Variants in ENDOD1 observed in about 807,000 individuals in gnomAD.
The protein encoded by ENDOD1 is endonuclease domain containing 1.
A neutral mutation model predicts 6.5 loss-of-function variants in ENDOD1; 9 were observed. That is an observed-to-expected ratio of 1.39 (90% CI 0.84 to 2.43). ENDOD1 has a LOEUF of 2.43. Among genes scored for constraint, ENDOD1 ranks in the 30% most tolerant of loss-of-function variants. The pLI, the probability that ENDOD1 is intolerant of heterozygous loss-of-function variation, is 0.00. For synonymous variants in ENDOD1, 255 were observed against 255.2 expected (o/e 1.00, Z 0.01); for missense variants, 648 against 635.5 (o/e 1.02, Z -0.21).
intron 1 of ENDOD1, among the ~76,000 whole-genome samples, chr11:95,118,365 C>T (rs184969853): frequency 6.6e-6 from 1 of 152,292 alleles, no homozygotes; most frequent in Admixed American, 6.5e-5. Context: ...TAAAATCTCT[C>T]AGCTTTTGTT....
chr11:95,094,469 A>G (rs1311584706), intron 1 of ENDOD1, among the ~76,000 whole-genome samples: 1 of 152,174 alleles, frequency 6.6e-6, no homozygotes, highest in Non-Finnish European at 1.5e-5. Context: ...GACAAGTGGG[A>G]GCACTTACTT....
In ENDOD1 at chr11:95,128,477, AC is replaced by A. The variant is rs1390316803; in HGVS notation, c.403del (p.Asp136IlefsTer31). Reference sequence around the variant, plus strand: ...AGCAAGCAAGCCTTGAATACAGATTACCTTGATTCTGATTACCAAAGAGGAC... The same window carrying A: ...AGCAAGCAAGCCTTGAATACAGATTACTTGATTCTGATTACCAAAGAGGAC... ...LGSKQALNTD[Y>X]LDSDYQRGQL... is the part of the protein sequence containing the mutation. On this transcript the variant is annotated frameshift_variant, in exon 2 of 2. Coordinates refer to ENST00000278505, the MANE Select transcript of ENDOD1 (RefSeq NM_015036.3). LOFTEE classifies it low-confidence loss of function (END_TRUNC). The A allele has an allele frequency of 6.2e-7, 1 of 1,614,172 alleles. No individual in the cohort carries two copies. The highest frequency in any genetic ancestry group is 1.7e-5 in the Admixed American group (1 of 60,030).
chr11:95,090,326 G>A, intron 1 of ENDOD1, 99 bp downstream of exon 1: 1 of 1,332,962 alleles, frequency 7.5e-7, no homozygotes, highest in Non-Finnish European at 9.6e-7. Flanking sequence ...GCCGGGAACA[G>A]CAATCCCTAC....
At chr11:95,095,549 C>T (rs532361899) in intron 1 of ENDOD1, among the ~76,000 whole-genome samples, 9 of 150,660 alleles carry the variant, frequency 6.0e-5, no homozygotes, top group Non-Finnish European at 1.0e-4. Flanking sequence ...CAGAATATTT[C>T]AGGGACATCT....
chr11:95,105,651 A>G (rs1859082425), intron 1 of ENDOD1, among the ~76,000 whole-genome samples: 1 of 152,114 alleles, frequency 6.6e-6, no homozygotes, highest in South Asian at 2.1e-4. Flanking sequence ...GCTCCTACTT[A>G]TAAGTGAGAA....
At chr11:95,126,534 G>A (rs930759756) in intron 1 of ENDOD1, among the ~76,000 whole-genome samples, 2 of 152,190 alleles carry the variant, frequency 1.3e-5, no homozygotes, top group African/African-American at 2.4e-5. Flanking sequence ...ATGTTGACAT[G>A]TCATATGCTT....
chr11:95,114,181 A>G (rs1300066099), intron 1 of ENDOD1, among the ~76,000 whole-genome samples: 1 of 152,180 alleles, frequency 6.6e-6, no homozygotes, highest in East Asian at 1.9e-4. Flanking sequence ...CCCAGGCACA[A>G]TCTTGGCTCA....
At chr11:95,097,124 C>T (rs1466491151) in intron 1 of ENDOD1, among the ~76,000 whole-genome samples, 1 of 140,826 alleles carries the variant, frequency 7.1e-6, no homozygotes. Flanking sequence ...CACTGCACTC[C>T]AGTCTGGGGG....
chr11:95,092,041 C>T (rs943838897), intron 1 of ENDOD1, among the ~76,000 whole-genome samples: 1 of 151,978 alleles, frequency 6.6e-6, no homozygotes, highest in Non-Finnish European at 1.5e-5. Context: ...TGAACAAAGT[C>T]CTATTAGATT....
intron 1 of ENDOD1, among the ~76,000 whole-genome samples, chr11:95,112,723 C>T (rs183341518): frequency 6.6e-6 from 1 of 152,376 alleles, no homozygotes; most frequent in Non-Finnish European, 1.5e-5. Context: ...CCAGTGTCTT[C>T]CCTGACTGCA....
rs117106802 is a variant in ENDOD1 at position 95,097,711 on chromosome 11, C to G, written c.300+7484C>G. On this transcript the variant is annotated intron_variant, in intron 1 of 1. Coordinates refer to ENST00000278505, the MANE Select transcript of ENDOD1 (RefSeq NM_015036.3). ...AGGAGGTTTCAGTGATCTGACAAGA[C>G]AGTAGTATCTTGGATCAAGATGATA... Among the ~76,000 whole-genome samples the G allele has an allele frequency of 4.6e-5, 7 of 152,212 alleles. No homozygotes were observed. In the East Asian group the frequency reaches 1.3e-3, roughly 29 times the overall value.
At chr11:95,124,667 C>T (rs1011368405) in intron 1 of ENDOD1, among the ~76,000 whole-genome samples, 1 of 152,178 alleles carries the variant, frequency 6.6e-6, no homozygotes, top group Non-Finnish European at 1.5e-5. Context: ...CACCTTGGTT[C>T]GATCCTGGCT....
At chr11:95,093,756 C>G (rs1858953554) in intron 1 of ENDOD1, among the ~76,000 whole-genome samples, 1 of 152,298 alleles carries the variant, frequency 6.6e-6, no homozygotes, top group African/African-American at 2.4e-5. Context: ...CAGAAGCTTG[C>G]ACCAGGGCTG....
chr11:95,125,655 C>T (rs191545239), intron 1 of ENDOD1, among the ~76,000 whole-genome samples: 2 of 144,292 alleles, frequency 1.4e-5, no homozygotes, highest in Non-Finnish European at 3.0e-5. Context: ...CATGTGTTCT[C>T]ATTGTTCAAT....
intron 1 of ENDOD1, among the ~76,000 whole-genome samples, 187 bp downstream of exon 1, chr11:95,090,414 CT>C (rs1858918562): frequency 0.029 from 1 of 34 alleles, no homozygotes; most frequent in African/African-American, 0.1. Context: ...TGCCTCGCCC[CT>C]GTCGAGCTAC....
rs1225763858 is a variant in ENDOD1 at position 95,129,500 on chromosome 11, G to A, written c.1424G>A (p.Gly475Asp). 3.1e-6 allele frequency: 5 copies of A among 1,614,054 alleles called. No homozygotes were observed. Among genetic ancestry groups the A allele is most frequent in the Admixed American group, 1.7e-5 (1 of 59,996 alleles). ...TTTGACACTGCTTTTGGTACCCTGG[G>A]TGGCCTATTTCAGGTGGTTTTTAGT... Reference protein sequence around the residue: ...LLFDTAFGTLGGLFQVVFSVC... With the variant: ...LLFDTAFGTLDGLFQVVFSVC... The change falls in exon 2 of 2, where the codon GGT becomes GAT. Residue 475 changes from glycine (G) to aspartate (D), a missense_variant. Transcript: ENST00000278505.
At chr11:95,111,220 A>T (rs187373417) in intron 1 of ENDOD1, among the ~76,000 whole-genome samples, 1 of 152,026 alleles carries the variant, frequency 6.6e-6, no homozygotes, top group Non-Finnish European at 1.5e-5. Context: ...GTCCTCAGGG[A>T]TGGGAGTCCG....
In ENDOD1 at chr11:95,129,799, T is replaced by A; in HGVS notation, c.*220T>A. Reference sequence around the variant, plus strand: ...GTAATCTGCTGTTTACCTCCAGTTATATGTGCAAACTCCCAAGCCACTAAT... The same window carrying A: ...GTAATCTGCTGTTTACCTCCAGTTAAATGTGCAAACTCCCAAGCCACTAAT... On this transcript the variant is annotated 3_prime_UTR_variant, in exon 2 of 2. Transcript: ENST00000278505. The A allele has an allele frequency of 1.8e-6, 1 of 542,624 alleles. No homozygotes were observed. Among genetic ancestry groups the A allele is most frequent in the Non-Finnish European group, 3.3e-6 (1 of 306,390 alleles). 33.6% of individuals were successfully genotyped at this position (542,624 alleles called of 1,614,324 possible). A position where few individuals can be genotyped will look rare whatever the true frequency, so the allele number is the denominator to read the frequency against.
At position 95,089,926 on chromosome 11, in the gene ENDOD1, C is replaced by T. The variant is rs1858908742; in HGVS notation, c.-2C>T. The T allele has an allele frequency of 1.4e-6, 2 of 1,415,580 alleles. No individual in the cohort carries two copies. Among genetic ancestry groups the T allele is most frequent in the African/African-American group, 1.5e-5 (1 of 66,922 alleles). The allele number at this position is 1,415,580 out of a possible 1,614,324, so 87.7% of individuals were successfully genotyped here. A position where few individuals can be genotyped will look rare whatever the true frequency, so the allele number is the denominator to read the frequency against. The stretch of plus-strand genomic sequence containing the variant: ...GGCCCCGCCGCGCTCGCAGAGGCCG[C>T]CATGGGCACCGCGCGCTGGCTCGCG... On this transcript the variant is annotated 5_prime_UTR_variant, in exon 1 of 2. Transcript: ENST00000278505.
Sources: gnomAD v4.1 joint callset for allele counts (sites outside exome capture counted in the v4.1 genomes callset) on GRCh38, gnomAD v4.1.1 for gene constraint, MANE v1.5 for transcripts, NCBI Gene and HGNC (gene_info 2026-07-23, HGNC 2026-07-21) for gene names.